STIM1: variants seen among roughly 807,000 people sequenced by gnomAD.
The protein encoded by STIM1 is stromal interaction molecule 1.
STIM1 carries 25 observed loss-of-function variants against 74.7 expected under a neutral mutation model. That is an observed-to-expected ratio of 0.33 (90% CI 0.24 to 0.47). The LOEUF (loss-of-function observed/expected upper bound fraction) is 0.47, where lower values mean the gene tolerates loss of function less well. Among genes scored for constraint, STIM1 ranks in the 20% least tolerant of loss-of-function variants. STIM1 has a pLI of 1.00. For missense variants in STIM1, 728 were observed against 920.8 expected (o/e 0.79, Z 2.71); for synonymous variants, 328 against 348.8 (o/e 0.94, Z 0.66).
intron 1 of STIM1, among the ~76,000 whole-genome samples, chr11:3,895,708 T>C (rs1313292507): frequency 5.7e-5 from 2 of 34,882 alleles, no homozygotes; most frequent in African/African-American, 3.9e-4. Flanking sequence ...CTTTCTTTCT[T>C]TCTTTCTTTC....
chr11:3,923,331 G>A (rs753439360), intron 1 of STIM1, among the ~76,000 whole-genome samples: 1 of 151,744 alleles, frequency 6.6e-6, no homozygotes, highest in Non-Finnish European at 1.5e-5. Flanking sequence ...TTCCTGGGCC[G>A]AGCGCAGTGG....
chr11:4,083,402 T>C lies in STIM1; in HGVS notation c.1378T>C (p.Trp460Arg). ...GGCTGCCCTCAACATAGACCCCAGC[T>C]GGATGGGCAGTACACGCCCCAACCC... ...LVAALNIDPS[W>R]MGSTRPNPAH... The change falls in exon 10 of 13, where the codon TGG (tryptophan) becomes CGG (arginine). Residue 460 changes from tryptophan (W) to arginine (R), a missense_variant. Coordinates refer to ENST00000526596, the MANE Select transcript of STIM1 (RefSeq NM_001382567.1). 1 of 1,614,240 alleles carries C rather than the reference T, an allele frequency of 6.2e-7. No homozygotes were observed.
Position 4,074,499 on chromosome 11 carries a change from C to G in STIM1, c.792-3C>G, listed in dbSNP as rs201348785. The G allele has an allele frequency of 3.1e-6, 5 of 1,613,312 alleles. No homozygotes were observed. Among genetic ancestry groups the G allele is most frequent in the Admixed American group, 1.7e-5 (1 of 60,000 alleles). On this transcript the variant is annotated splice_polypyrimidine_tract_variant and splice_region_variant and intron_variant, in intron 6 of 12. Transcript: ENST00000526596. Reference sequence around the variant, plus strand: ...CCTCCAGCTCCCTGCATTGCCCCCCCAGGCTGCACAAGGCCCAGGAGGAGC... The same window carrying G: ...CCTCCAGCTCCCTGCATTGCCCCCCGAGGCTGCACAAGGCCCAGGAGGAGC...
intron 1 of STIM1, among the ~76,000 whole-genome samples, chr11:3,883,070 A>G (rs919034969): frequency 2.0e-5 from 3 of 151,952 alleles, no homozygotes; most frequent in African/African-American, 7.2e-5. Flanking sequence ...CTAGACATTT[A>G]TCTTTTTTAA....
chr11:4,051,092 G>GA (rs201802654), intron 3 of STIM1, among the ~76,000 whole-genome samples: 4 of 150,496 alleles, frequency 2.7e-5, no homozygotes, highest in East Asian at 1.9e-4. Flanking sequence ...ACCTTTTATT[G>GA]AAAAAAAAAT....
intron 1 of STIM1, among the ~76,000 whole-genome samples, chr11:3,893,929 A>G (rs1303259052): frequency 2.0e-5 from 3 of 152,082 alleles, no homozygotes; most frequent in African/African-American, 7.2e-5. Context: ...ACAGGCACGT[A>G]CCACCATGCC....
At chr11:3,924,454 TCC>T (rs2092762946) in intron 1 of STIM1, among the ~76,000 whole-genome samples, 1 of 152,166 alleles carries the variant, frequency 6.6e-6, no homozygotes, top group Non-Finnish European at 1.5e-5. Flanking sequence ...TGCCTTGGTC[TCC>T]CAAAGTGCTG....
In STIM1 at chr11:3,940,898, T is replaced by C. The variant is rs146244354; in HGVS notation, c.140-26654T>C. Among the ~76,000 whole-genome samples the C allele has an allele frequency of 4.7e-3, 709 of 152,322 alleles. 4 individuals carry two copies. The highest frequency in any genetic ancestry group is 0.016 in the African/African-American group (675 of 41,558). Reference sequence around the variant, plus strand: ...TATGCCATATGCATATATTTATATTTATAGAAAGGCCTTTCTTGTACTCTT... The same window carrying C: ...TATGCCATATGCATATATTTATATTCATAGAAAGGCCTTTCTTGTACTCTT... On this transcript the variant is annotated intron_variant, in intron 1 of 12. Coordinates refer to ENST00000526596, the MANE Select transcript of STIM1 (RefSeq NM_001382567.1).
chr11:3,944,840 T>C lies in STIM1; in HGVS notation c.140-22712T>C, dbSNP rs186255436. ...TGGTCATCATCCCATCATTTCTTGC[T>C]AGGGTTTTCCTATCTCTAGAGGAAT... is the stretch of plus-strand genomic sequence containing the variant. On this transcript the variant is annotated intron_variant, in intron 1 of 12. Transcript: ENST00000526596. Among the ~76,000 whole-genome samples, 9 of 152,374 alleles carry C rather than the reference T, an allele frequency of 5.9e-5. No homozygotes were observed. In the East Asian group the frequency reaches 1.7e-3, roughly 29 times the overall value.
chr11:3,928,466 A>T (rs553742784), intron 1 of STIM1, among the ~76,000 whole-genome samples: 4 of 152,086 alleles, frequency 2.6e-5, no homozygotes, highest in Non-Finnish European at 4.4e-5. Flanking sequence ...ACCTCAGGTG[A>T]TCCACCCACC....
chr11:4,018,972 A>T (rs756423953), intron 2 of STIM1: 12 of 155,076 alleles, frequency 7.7e-5, no homozygotes, highest in Admixed American at 3.2e-4. Flanking sequence ...GCTCTGCTGG[A>T]GCCACCCACA....
intron 2 of STIM1, among the ~76,000 whole-genome samples, chr11:4,018,658 A>AG (rs1641197651): frequency 6.6e-6 from 1 of 151,254 alleles, no homozygotes. Flanking sequence ...AAAAAAAAAA[A>AG]AAAAAAGGCA....
In STIM1 at chr11:3,966,046, C is replaced by A. The variant is rs569306129; in HGVS notation, c.140-1506C>A. 4.7e-3 allele frequency among the ~76,000 whole-genome samples: 708 copies of A among 152,090 alleles called. 4 individuals carry two copies. The highest frequency in any genetic ancestry group is 0.016 in the African/African-American group (656 of 41,510). On this transcript the variant is annotated intron_variant, in intron 1 of 12. Transcript: ENST00000526596. Reference sequence around the variant, plus strand: ...CAAACAAACAAAAAACCAAAAAAAACCCCATTTCTTCAATGTTCTTCTTGC... The same window carrying A: ...CAAACAAACAAAAAACCAAAAAAAAACCCATTTCTTCAATGTTCTTCTTGC...
chr11:3,893,368 C>T (rs2091954570), intron 1 of STIM1, among the ~76,000 whole-genome samples: 2 of 152,210 alleles, frequency 1.3e-5, no homozygotes, highest in African/African-American at 4.8e-5. Flanking sequence ...CATTTACCTA[C>T]AATAAAAGTG....
chr11:4,071,412 A>G (rs2094402725), intron 6 of STIM1, among the ~76,000 whole-genome samples: 1 of 151,870 alleles, frequency 6.6e-6, no homozygotes, highest in Non-Finnish European at 1.5e-5. Context: ...GTTCAATAGC[A>G]TGAACATGGC....
intron 2 of STIM1, among the ~76,000 whole-genome samples, chr11:4,018,483 A>AAAAC (rs2093923482): frequency 3.4e-5 from 5 of 149,072 alleles, no homozygotes; most frequent in Non-Finnish European, 6.0e-5. Flanking sequence ...AAAAAAAAAA[A>AAAAC]AAACAAACAA....
At position 3,890,684 on chromosome 11, in the gene STIM1, G is replaced by C. The variant is rs373226661; in HGVS notation, c.139+34275G>C. Among the ~76,000 whole-genome samples the C allele has an allele frequency of 3.9e-5, 6 of 152,222 alleles. No homozygotes were observed. In the East Asian group the frequency reaches 7.7e-4, roughly 20 times the overall value. On this transcript the variant is annotated intron_variant, in intron 1 of 12. Coordinates refer to ENST00000526596, the MANE Select transcript of STIM1 (RefSeq NM_001382567.1). ...GATCACGCCACTGCACTCCAGCCTG[G>C]GTGATGGAGCAAGACTCTATTGCAA...
chr11:4,063,180 C>T (rs772789952), intron 5 of STIM1, among the ~76,000 whole-genome samples: 13 of 152,124 alleles, frequency 8.5e-5, no homozygotes, highest in Non-Finnish European at 1.3e-4. Context: ...TGATAATATT[C>T]TAACATTAAT....
intron 1 of STIM1, among the ~76,000 whole-genome samples, chr11:3,880,428 G>C (rs1337672960): frequency 6.6e-6 from 1 of 152,150 alleles, no homozygotes. Context: ...CAAGTTTCCA[G>C]TGCCTTCTCA....
Sources: gnomAD v4.1 joint callset for allele counts (sites outside exome capture counted in the v4.1 genomes callset) on GRCh38, gnomAD v4.1.1 for gene constraint, MANE v1.5 for transcripts, NCBI Gene and HGNC (gene_info 2026-07-23, HGNC 2026-07-21) for gene names.